CLCC1: variants seen among roughly 807,000 people sequenced by gnomAD.
The protein encoded by CLCC1 is chloride channel CLIC-like protein 1.
In CLCC1, 39 loss-of-function variants were observed where a neutral mutation model predicts 63.3. The observed-to-expected ratio is 0.62, with a 90% CI of 0.48 to 0.81. The LOEUF is 0.81. Ranked by LOEUF, CLCC1 falls within the 30% of genes least tolerant of loss-of-function variation. The probability of loss-of-function intolerance (pLI) is 0.00; values close to 1 mark genes in which losing one functional copy is unlikely to be tolerated. For missense variants in CLCC1, 549 were observed against 669.4 expected (o/e 0.82, Z 1.98); for synonymous variants, 217 against 239.8 (o/e 0.90, Z 0.88).
chr1:108,954,528 A>G (rs1655616377), intron 2 of CLCC1, among the ~76,000 whole-genome samples: 1 of 151,048 alleles, frequency 6.6e-6, no homozygotes, highest in South Asian at 2.1e-4. Flanking sequence ...CACCACCACC[A>G]GCACTAAGCG....
At chr1:108,939,255 GATAT>G (rs1015992084) in intron 10 of CLCC1, among the ~76,000 whole-genome samples, 12 of 142,524 alleles carry the variant, frequency 8.4e-5, no homozygotes, top group African/African-American at 2.9e-4. Context: ...AATATAGACA[GATAT>G]ATAAATATAA....
At chr1:108,958,178 TG>T (rs1345203329) in intron 2 of CLCC1, among the ~76,000 whole-genome samples, 2 of 151,602 alleles carry the variant, frequency 1.3e-5, no homozygotes, top group Non-Finnish European at 2.9e-5. Flanking sequence ...GTAAAGGTTT[TG>T]GATCAAGGTA....
intron 2 of CLCC1, among the ~76,000 whole-genome samples, chr1:108,956,261 T>C (rs2101712508): frequency 6.6e-6 from 1 of 151,458 alleles, no homozygotes; most frequent in Middle Eastern, 3.4e-3. Flanking sequence ...GGTGACTGAC[T>C]TGGTGACCCA....
At position 108,947,680 on chromosome 1, in the gene CLCC1, T is replaced by A; in HGVS notation, c.270A>T (p.Glu90Asp). 1 of 1,611,298 alleles carries A rather than the reference T, an allele frequency of 6.2e-7. No homozygotes were observed. The highest frequency in any genetic ancestry group is 8.5e-7 in the Non-Finnish European group (1 of 1,178,782). Reference protein sequence around the residue: ...ECEKKKREDYESQSNPVFRRY... With the variant: ...ECEKKKREDYDSQSNPVFRRY... Reference sequence around the variant, plus strand: ...TCCTAAAAACAGGATTGCTTTGACTTTCATAGTCTTCCCTCTTTTTCTTTT... The same window carrying A: ...TCCTAAAAACAGGATTGCTTTGACTATCATAGTCTTCCCTCTTTTTCTTTT... Residue 90 changes from glutamate to aspartate, a missense_variant, in exon 5 of 13, where the codon GAA (glutamate) becomes GAT (aspartate). By Grantham distance (45) the Glu-to-Asp change is conservative. Coordinates refer to ENST00000369969, the MANE Select transcript of CLCC1 (RefSeq NM_001377458.1).
intron 4 of CLCC1, among the ~76,000 whole-genome samples, chr1:108,948,860 T>C (rs1463287527): frequency 6.6e-6 from 1 of 152,116 alleles, no homozygotes; most frequent in Non-Finnish European, 1.5e-5. Context: ...TGTGGCTTCC[T>C]CAAATCATGG....
At chr1:108,934,091 AAAC>A in intron 12 of CLCC1, 1 of 152,396 alleles carries the variant, frequency 6.6e-6, no homozygotes, top group Non-Finnish European at 1.5e-5. Context: ...TTCTCTAAGT[AAAC>A]AAAGTAAAAG....
In CLCC1 at chr1:108,951,968, G is replaced by A. The variant is rs116521956; in HGVS notation, c.-11-1520C>T. Among the ~76,000 whole-genome samples the A allele has an allele frequency of 5.0e-3, 766 of 151,978 alleles. 10 individuals are homozygous for A. The highest frequency in any genetic ancestry group is 0.017 in the African/African-American group (717 of 41,442). ...ATTAATTAACTTTTTTGTAGAGATA[G>A]GGTCTCACTATATTGCCCAGGCTGG... On this transcript the variant is annotated intron_variant, in intron 2 of 12. Transcript: ENST00000369969.
rs1229706790 is a variant in CLCC1 at position 108,950,396 on chromosome 1, T to C, written c.42A>G (p.Val14=). The change falls in exon 3 of 13, where the codon GTA becomes GTG. Residue 14 remains valine (V), a synonymous_variant. Transcript: ENST00000369969. The part of the protein sequence containing the change: ...SLLLCECLLL[V]AGYAHDDDWI... ...AGTCATCATCATGAGCATAACCAGC[T>C]ACCAGCAACAGACATTCACAAAGGA... is the stretch of plus-strand genomic sequence containing the variant. The C allele has an allele frequency of 6.2e-7, 1 of 1,611,666 alleles. No homozygotes were observed. The highest frequency in any genetic ancestry group is 8.5e-7 in the Non-Finnish European group (1 of 1,178,510).
rs1652113785 is a variant in CLCC1 at position 108,932,224 on chromosome 1, A to G, written c.*323T>C. The G allele has an allele frequency of 6.6e-6, 1 of 152,204 alleles. No individual in the cohort carries two copies. Among genetic ancestry groups the G allele is most frequent in the South Asian group, 2.1e-4 (1 of 4,834 alleles). 9.4% of individuals were successfully genotyped at this position (152,204 alleles called of 1,614,324 possible). Reference sequence around the variant, plus strand: ...GGGAGGTGGAGGTTGCAGTGAGCCGAGATTGTACCACCTCACTCCAGCCTG... The same window carrying G: ...GGGAGGTGGAGGTTGCAGTGAGCCGGGATTGTACCACCTCACTCCAGCCTG... On this transcript the variant is annotated 3_prime_UTR_variant, in exon 13 of 13. Transcript: ENST00000369969.
intron 2 of CLCC1, among the ~76,000 whole-genome samples, chr1:108,954,872 G>A (rs1293399968): frequency 6.2e-5 from 9 of 144,052 alleles, no homozygotes; most frequent in African/African-American, 1.1e-4. Flanking sequence ...CGCTCTTGTC[G>A]CCCAGGCTGG....
In CLCC1 at chr1:108,949,800, TTATC is replaced by T; in HGVS notation, c.231+16_231+19del. The T allele has an allele frequency of 7.9e-7, 1 of 1,260,296 alleles. No individual in the cohort carries two copies. The allele number at this position is 1,260,296 out of a possible 1,614,324, so 78.1% of individuals were successfully genotyped here. The stretch of plus-strand genomic sequence containing the variant: ...TTAACATAATATAAAAATATAAAAT[TTATC>T]AATAAAAAAACTAACCTTATAAGTT... On this transcript the variant is annotated intron_variant, in intron 4 of 12. Transcript: ENST00000369969.
Position 108,934,788 on chromosome 1 carries a change from T to C in CLCC1, c.1538A>G (p.Glu513Gly). The C allele has an allele frequency of 6.2e-7, 1 of 1,614,176 alleles. No homozygotes were observed. Among genetic ancestry groups the C allele is most frequent in the Non-Finnish European group, 8.5e-7 (1 of 1,180,030 alleles). ...GGCTTCAGACTTGAGCTGGGCCTTTTCCGCTGCGGGTGAACCTTCTGTATT... is the reference window on the plus strand; with the variant it reads ...GGCTTCAGACTTGAGCTGGGCCTTTCCCGCTGCGGGTGAACCTTCTGTATT... ...SGNTEGSPAA[E>G]KAQLKSEAAG... is the part of the protein sequence containing the mutation. Residue 513 changes from glutamate (E) to glycine (G), a missense_variant, in exon 12 of 13, where the codon GAA becomes GGA. Coordinates refer to ENST00000369969, the MANE Select transcript of CLCC1 (RefSeq NM_001377458.1).
chr1:108,941,645 T>G, intron 7 of CLCC1, 147 bp from the exon 8 acceptor site: 1 of 464,940 alleles, frequency 2.2e-6, no homozygotes, highest in East Asian at 3.4e-5. Context: ...AACATATTAT[T>G]ATTACTATTT....
Position 108,954,817 on chromosome 1 carries a change from CGTGT to C in CLCC1, c.-11-4373_-11-4370del, listed in dbSNP as rs58482013. Among the ~76,000 whole-genome samples, 584 of 140,548 alleles carry C rather than the reference CGTGT, an allele frequency of 4.2e-3. 5 individuals carry two copies. The highest frequency in any genetic ancestry group is 0.025 in the Middle Eastern group (7 of 280). 92.2% of individuals were successfully genotyped at this position (140,548 alleles called of 152,430 possible). A position where few individuals can be genotyped will look rare whatever the true frequency, so the allele number is the denominator to read the frequency against. On this transcript the variant is annotated intron_variant, in intron 2 of 12. Transcript: ENST00000369969. ...TACTGTATACTGGGCACTGTCTTTGCGTGTGTGTGTGTGTGTGTGTGTGTGTGTG... is the reference window on the plus strand; with the variant it reads ...TACTGTATACTGGGCACTGTCTTTGCGTGTGTGTGTGTGTGTGTGTGTGTG...
intron 2 of CLCC1, among the ~76,000 whole-genome samples, chr1:108,952,537 G>A (rs1042716721): frequency 5.0e-5 from 5 of 99,752 alleles, no homozygotes; most frequent in South Asian, 3.5e-4. Context: ...AGTGCCTCAC[G>A]CCTGTAATCC....
chr1:108,950,458 T>G lies in CLCC1; in HGVS notation c.-11-10A>C. ...AGCATCCTGTATAAGGCTAAAACAA[T>G]TTTTAATATATATAATGAAATAGAA... On this transcript the variant is annotated splice_polypyrimidine_tract_variant and intron_variant, in intron 2 of 12. Coordinates refer to ENST00000369969, the MANE Select transcript of CLCC1 (RefSeq NM_001377458.1). 6.8e-7 allele frequency: 1 copy of G among 1,474,338 alleles called. No homozygotes were observed. The highest frequency in any genetic ancestry group is 9.1e-7 in the Non-Finnish European group (1 of 1,101,032). The allele number at this position is 1,474,338 out of a possible 1,614,324, so 91.3% of individuals were successfully genotyped here. A position where few individuals can be genotyped will look rare whatever the true frequency, so the allele number is the denominator to read the frequency against.
intron 8 of CLCC1, among the ~76,000 whole-genome samples, chr1:108,941,187 T>C (rs1653789247): frequency 6.6e-6 from 1 of 152,160 alleles, no homozygotes; most frequent in Admixed American, 6.6e-5. Flanking sequence ...ACAGATAATA[T>C]CAGAGCCAAC....
At position 108,962,393 on chromosome 1, in the gene CLCC1, G is replaced by A. The variant is rs1355965326; in HGVS notation, c.-96C>T. 6.6e-6 allele frequency: 1 copy of A among 152,182 alleles called. No homozygotes were observed. Among genetic ancestry groups the A allele is most frequent in the Non-Finnish European group, 1.5e-5 (1 of 68,028 alleles). The allele number at this position is 152,182 out of a possible 1,614,324, so 9.4% of individuals were successfully genotyped here. A position where few individuals can be genotyped will look rare whatever the true frequency, so the allele number is the denominator to read the frequency against. The stretch of plus-strand genomic sequence containing the variant: ...GCTGCAACTTATTTCGTATGCTTAT[G>A]CAGTTTCTTGGAACCATGGCTCTCA... On this transcript the variant is annotated 5_prime_UTR_variant, in exon 2 of 13. Transcript: ENST00000369969.
intron 5 of CLCC1, among the ~76,000 whole-genome samples, chr1:108,947,098 A>G (rs541295921): frequency 6.6e-6 from 1 of 152,192 alleles, no homozygotes; most frequent in East Asian, 1.9e-4. Flanking sequence ...CGGGAGGCAG[A>G]GGTTGTAGTG....
Sources: gnomAD v4.1 joint callset for allele counts (sites outside exome capture counted in the v4.1 genomes callset) on GRCh38, gnomAD v4.1.1 for gene constraint, MANE v1.5 for transcripts, NCBI Gene and HGNC (gene_info 2026-07-23, HGNC 2026-07-21) for gene names.